The following ZNF37A variants were observed in gnomAD, a reference collection of about 807,000 sequenced individuals.
ZNF37A encodes zinc finger protein 37a (KOX 21).
In ZNF37A, 10 loss-of-function variants were observed where a neutral mutation model predicts 12.3. The observed-to-expected ratio is 0.82, with a 90% confidence interval of 0.50 to 1.38. ZNF37A has a LOEUF of 1.38. Among genes scored for constraint, ZNF37A ranks in the 40% most tolerant of loss-of-function variants. The pLI is 0.00. For synonymous variants in ZNF37A, 207 were observed against 223.0 expected, an observed-to-expected ratio of 0.93 and a Z score of 0.64; for missense variants, 580 against 651.2, an observed-to-expected ratio of 0.89 and a Z score of 1.19.
At chr10:38,098,442 T>C (rs2178961) in intron 5 of ZNF37A, among the ~76,000 whole-genome samples, 6,447 of 152,350 alleles carry the variant, frequency 0.042, 191 homozygotes, top group Non-Finnish European at 0.06. Flanking sequence ...TAGTTAGCTT[T>C]TCTATTTCTG....
At chr10:38,140,771 CTGGGGCAG>C in intron 7 of ZNF37A, 1 of 152,174 alleles carries the variant, frequency 6.6e-6, no homozygotes, top group East Asian at 1.9e-4. Context: ...GCTTCTAGGA[CTGGGGCAG>C]TGAAAACATA....
In ZNF37A at chr10:38,120,875, A is replaced by C. The variant is rs1386570261; in HGVS notation, c.*2038A>C. 1 of 152,210 alleles carries C rather than the reference A, an allele frequency of 6.6e-6. No homozygotes were observed. Among genetic ancestry groups the C allele is most frequent in the Non-Finnish European group, 1.5e-5 (1 of 68,034 alleles). The allele number at this position is 152,210 out of a possible 1,614,324, so 9.4% of individuals were successfully genotyped here. ...CTAATTTGAGAAGATAATAAGTAGG[A>C]TTTTTGTTTTGTTTTGCATTTTGCA... On this transcript the variant is annotated 3_prime_UTR_variant, in exon 8 of 8. Transcript: ENST00000685332.
intron 5 of ZNF37A, among the ~76,000 whole-genome samples, chr10:38,113,731 T>G (rs1446874132): frequency 6.6e-6 from 1 of 152,218 alleles, no homozygotes; most frequent in Non-Finnish European, 1.5e-5. Context: ...CCTCTAATGC[T>G]GCTCTCCAGC....
intron 5 of ZNF37A, 136 bp downstream of exon 5, chr10:38,096,768 A>T: frequency 1.3e-6 from 1 of 775,558 alleles, no homozygotes; most frequent in Admixed American, 3.0e-5. Flanking sequence ...TCATGGGTCA[A>T]ATGCAGCCTG....
At chr10:38,140,676 A>G (rs1401909497) in intron 7 of ZNF37A, 2 of 152,242 alleles carry the variant, frequency 1.3e-5, no homozygotes, top group African/African-American at 4.8e-5. Context: ...TAAGAGATAC[A>G]TGCATCCCGT....
At chr10:38,099,709 A>C (rs896139648) in intron 5 of ZNF37A, among the ~76,000 whole-genome samples, 3 of 152,222 alleles carry the variant, frequency 2.0e-5, no homozygotes, top group African/African-American at 7.2e-5. Context: ...TTTCTACAGA[A>C]GGTACACCAT....
chr10:38,101,217 GT>G (rs1275933112), intron 5 of ZNF37A, among the ~76,000 whole-genome samples: 9 of 152,016 alleles, frequency 5.9e-5, no homozygotes, highest in African/African-American at 2.2e-4. Context: ...GTTGCCTGTG[GT>G]TTTTGGTATT....
intron 5 of ZNF37A, among the ~76,000 whole-genome samples, chr10:38,111,037 G>A (rs1381613817): frequency 3.9e-5 from 6 of 152,064 alleles, no homozygotes; most frequent in African/African-American, 9.7e-5. Context: ...GCATACATAC[G>A]TTTTTTTGTG....
Position 38,118,105 on chromosome 10 carries a change from A to G in ZNF37A, c.954A>G (p.Gln318=). ...FYKNSDLIKH[Q]RIHTGERPYG... ...AGAATTCAGACCTCATTAAACATCA[A>G]AGAATTCATACAGGGGAGAGACCTT... The change falls in exon 8 of 8, where the codon CAA becomes CAG. Residue 318 remains glutamine (Q), a synonymous_variant. Transcript: ENST00000685332. 1 of 1,613,606 alleles carries G rather than the reference A, an allele frequency of 6.2e-7. No homozygotes were observed. The highest frequency in any genetic ancestry group is 1.7e-5 in the Admixed American group (1 of 59,930).
chr10:38,114,814 G>A lies in ZNF37A; in HGVS notation c.75G>A (p.Leu25=), dbSNP rs1187730783. The A allele has an allele frequency of 6.2e-7, 1 of 1,614,030 alleles. No homozygotes were observed. The highest frequency in any genetic ancestry group is 2.2e-5 in the East Asian group (1 of 44,862). ...VGFTQEEWQH[L]DPAQRTLYRD... is the part of the protein sequence containing the mutation. ...TCACTCAAGAGGAGTGGCAGCATCTGGACCCTGCTCAGAGGACCCTGTACA... is the reference window on the plus strand; with the variant it reads ...TCACTCAAGAGGAGTGGCAGCATCTAGACCCTGCTCAGAGGACCCTGTACA... The change falls in exon 6 of 8, where the codon CTG becomes CTA. Residue 25 remains leucine, a synonymous_variant. Coordinates refer to ENST00000685332, the MANE Select transcript of ZNF37A (RefSeq NM_001324250.3).
intron 7 of ZNF37A, among the ~76,000 whole-genome samples, chr10:38,145,040 A>G (rs1001831001): frequency 6.6e-6 from 1 of 152,224 alleles, no homozygotes; most frequent in Non-Finnish European, 1.5e-5. Flanking sequence ...CAGCAGATAC[A>G]TTGAAAGTTA....
At chr10:38,113,639 G>T (rs2069009548) in intron 5 of ZNF37A, among the ~76,000 whole-genome samples, 1 of 152,148 alleles carries the variant, frequency 6.6e-6, no homozygotes, top group African/African-American at 2.4e-5. Flanking sequence ...AGGCCCTCTG[G>T]AAGTAGCCCT....
At chr10:38,110,774 A>T (rs191226415) in intron 5 of ZNF37A, among the ~76,000 whole-genome samples, 1 of 152,234 alleles carries the variant, frequency 6.6e-6, no homozygotes, top group Non-Finnish European at 1.5e-5. Flanking sequence ...AATCAAAACC[A>T]CAATGAGATA....
At chr10:38,129,316 A>AAAAAAAAAAAAC (rs1432210552), downstream of ZNF37A, among the ~76,000 whole-genome samples, 6 of 142,540 alleles carry the variant, frequency 4.2e-5, no homozygotes, top group South Asian at 2.2e-4. Context: ...AAAAAAAAAA[A>AAAAAAAAAAAAC]AAAAAACTAT....
In ZNF37A at chr10:38,124,069, G is replaced by A. The variant is rs1265626938; in HGVS notation, c.*5232G>A. The stretch of plus-strand genomic sequence containing the variant: ...GCACTACTCACAATAGCCAAGATTT[G>A]GAAGCAACCTAAGTGTCTAACAGCA... On this transcript the variant is annotated 3_prime_UTR_variant, in exon 8 of 8. Transcript: ENST00000685332. 1.3e-5 allele frequency: 2 copies of A among 152,110 alleles called. No homozygotes were observed. The highest frequency in any genetic ancestry group is 2.9e-5 in the Non-Finnish European group (2 of 68,054). 9.4% of individuals were successfully genotyped at this position (152,110 alleles called of 1,614,324 possible).
intron 5 of ZNF37A, among the ~76,000 whole-genome samples, chr10:38,109,163 G>A (rs1255376352): frequency 1.3e-5 from 2 of 152,226 alleles, no homozygotes; most frequent in Non-Finnish European, 2.9e-5. Context: ...TCCCTGGGAT[G>A]CAAGGCTGGT....
At chr10:38,128,952 C>T (rs1225666477), downstream of ZNF37A, among the ~76,000 whole-genome samples, 3 of 152,132 alleles carry the variant, frequency 2.0e-5, no homozygotes, top group African/African-American at 7.2e-5. Flanking sequence ...TGGGATTTCA[C>T]TCTGTTGGCC....
At chr10:38,133,534 C>T (rs1204749362) in intron 7 of ZNF37A, among the ~76,000 whole-genome samples, 5 of 144,300 alleles carry the variant, frequency 3.5e-5, no homozygotes, top group African/African-American at 1.3e-4. Context: ...TCTCATTGTT[C>T]AATTCCCACC....
chr10:38,146,789 C>G, exon 8 of ZNF37A: 1 of 398,444 alleles, frequency 2.5e-6, no homozygotes, highest in Non-Finnish European at 4.4e-6. Context: ...GAGACCAGCT[C>G]GGTCGTGGAG....
Sources: gnomAD v4.1 joint callset for allele counts (sites outside exome capture counted in the v4.1 genomes callset) on GRCh38, gnomAD v4.1.1 for gene constraint, MANE v1.5 for transcripts, NCBI Gene and HGNC (gene_info 2026-07-23, HGNC 2026-07-21) for gene names.